Variants in ZDHHC15 observed in about 807,000 individuals in gnomAD.
ZDHHC15 encodes the protein palmitoyltransferase ZDHHC15.
Under a neutral mutation model 31.7 loss-of-function variants are expected in ZDHHC15, and 19 were observed. The observed-to-expected ratio is 0.60, with a 90% CI of 0.42 to 0.88. The LOEUF is 0.88. ZDHHC15 is among the 40% of genes least tolerant of loss of function. The pLI, the probability that ZDHHC15 is intolerant of heterozygous loss-of-function variation, is 0.00. For synonymous variants in ZDHHC15, 103 were observed against 90.0 expected (o/e 1.14, Z -0.82); for missense variants, 209 against 251.2 (o/e 0.83, Z 1.14).
intron 7 of ZDHHC15, among the ~76,000 whole-genome samples, chrX:75,426,421 C>T (rs1354372418): frequency 2.7e-5 from 3 of 110,012 alleles, no homozygotes; most frequent in Non-Finnish European, 5.7e-5. Flanking sequence ...CTGTGTTGTC[C>T]CTTGATAGAG....
intron 11 of ZDHHC15, among the ~76,000 whole-genome samples, chrX:75,373,924 C>CTTTTTT (rs1298329750): frequency 1.0e-4 from 2 of 19,056 alleles, no homozygotes; most frequent in Admixed American, 1.8e-3. Context: ...TTCATTCTTT[C>CTTTTTT]TGTTTTTTTT....
chrX:75,478,049 T>C (rs1262553848), intron 3 of ZDHHC15, among the ~76,000 whole-genome samples: 2 of 111,715 alleles, frequency 1.8e-5, no homozygotes, highest in African/African-American at 3.3e-5. Flanking sequence ...AGTTTCCCTA[T>C]TGTTCTTTTA....
At chrX:75,434,023 A>G (rs1052887562) in intron 4 of ZDHHC15, among the ~76,000 whole-genome samples, 7 of 111,478 alleles carry the variant, frequency 6.3e-5, no homozygotes, top group Non-Finnish European at 1.1e-4. Context: ...TGATTTTTAA[A>G]TTACGGCCAT....
chrX:75,437,946 A>G (rs1325624611), intron 4 of ZDHHC15, among the ~76,000 whole-genome samples: 1 of 110,646 alleles, frequency 9.0e-6, no homozygotes, highest in East Asian at 2.9e-4. Context: ...AAAACAAACA[A>G]CCCCATCAAA....
At chrX:75,506,450 T>C (rs1313710668) in intron 1 of ZDHHC15, among the ~76,000 whole-genome samples, 1 of 112,106 alleles carries the variant, frequency 8.9e-6, no homozygotes, top group African/African-American at 3.2e-5. Context: ...GTCTATTTTA[T>C]TGGGTCTTAA....
chrX:75,503,267 C>G (rs1192532991), intron 2 of ZDHHC15, among the ~76,000 whole-genome samples: 1 of 110,741 alleles, frequency 9.0e-6, no homozygotes, highest in African/African-American at 3.3e-5. Flanking sequence ...ATCAGCATAA[C>G]TAGGTCAATA....
intron 4 of ZDHHC15, among the ~76,000 whole-genome samples, chrX:75,440,319 G>T (rs1286874868): frequency 1.9e-5 from 2 of 107,995 alleles, no homozygotes; most frequent in Non-Finnish European, 3.8e-5. Flanking sequence ...TTGCTCTGTT[G>T]CCCAGGCTGG....
intron 8 of ZDHHC15, among the ~76,000 whole-genome samples, chrX:75,422,744 C>A (rs762073624): frequency 4.5e-5 from 5 of 111,211 alleles, no homozygotes; most frequent in Non-Finnish European, 9.4e-5. Context: ...AATCTACCAC[C>A]CTAGCAACTA....
chrX:75,396,438 T>C (rs1216237092), intron 10 of ZDHHC15, among the ~76,000 whole-genome samples: 1 of 111,739 alleles, frequency 8.9e-6, no homozygotes, highest in African/African-American at 3.3e-5. Context: ...AAAACTATAA[T>C]GAGACCAAAT....
At chrX:75,411,214 C>T (rs1286307108) in intron 10 of ZDHHC15, among the ~76,000 whole-genome samples, 2 of 29,718 alleles carry the variant, frequency 6.7e-5, no homozygotes, top group East Asian at 7.7e-3. Flanking sequence ...ATCTATTGTA[C>T]ATTTTTTTTT....
At chrX:75,429,269 T>C (rs911487523) in intron 6 of ZDHHC15, 71 bp from the exon 7 acceptor site, 58 of 1,096,611 alleles carry the variant, frequency 5.3e-5, no homozygotes, top group Non-Finnish European at 4.9e-5. Flanking sequence ...ATAAGTGAAC[T>C]AAGCAATGGA....
At chrX:75,489,855 G>A (rs1215235042) in intron 2 of ZDHHC15, among the ~76,000 whole-genome samples, 3 of 111,509 alleles carry the variant, frequency 2.7e-5, no homozygotes, top group Non-Finnish European at 3.8e-5. Context: ...CAAATTAGAG[G>A]AAAGGCTAAC....
At chrX:75,445,735 T>C (rs773305571) in intron 4 of ZDHHC15, among the ~76,000 whole-genome samples, 2 of 111,825 alleles carry the variant, frequency 1.8e-5, no homozygotes, top group South Asian at 3.7e-4. Flanking sequence ...TTGTAAAGAA[T>C]TGGATCCTGT....
chrX:75,500,446 T>C, intron 2 of ZDHHC15, among the ~76,000 whole-genome samples: 1 of 109,767 alleles, frequency 9.1e-6, no homozygotes, highest in South Asian at 3.8e-4. Flanking sequence ...TCAATTAAAA[T>C]AAACAACCAA....
intron 3 of ZDHHC15, among the ~76,000 whole-genome samples, chrX:75,456,548 A>C (rs1193133026): frequency 9.0e-6 from 1 of 111,496 alleles, no homozygotes; most frequent in Admixed American, 9.6e-5. Context: ...GTCTGGAAAC[A>C]ACAGATGCTG....
intron 2 of ZDHHC15, among the ~76,000 whole-genome samples, chrX:75,492,817 C>A (rs1264729530): frequency 9.0e-6 from 1 of 111,589 alleles, no homozygotes. Context: ...TAAATGCCCA[C>A]AAGAGAAAGC....
chrX:75,487,076 C>G (rs751345863), intron 2 of ZDHHC15, among the ~76,000 whole-genome samples: 1 of 111,703 alleles, frequency 9.0e-6, no homozygotes, highest in East Asian at 2.8e-4. Context: ...CCAGCCAACT[C>G]AAGCCATTAC....
At chrX:75,423,271 G>A (rs150261282) in intron 8 of ZDHHC15, among the ~76,000 whole-genome samples, 1,473 of 107,873 alleles carry the variant, frequency 0.014, 18 homozygotes, top group African/African-American at 0.048. Context: ...TGTGACTTGA[G>A]GGTATGGTGT....
chrX:75,433,367 G>C (rs1232003183), intron 4 of ZDHHC15, among the ~76,000 whole-genome samples: 1 of 110,099 alleles, frequency 9.1e-6, no homozygotes, highest in African/African-American at 3.3e-5. Flanking sequence ...CTGAGATTTT[G>C]GTGCACCCAC....
Sources: allele counts gnomAD v4.1 joint callset (sites outside exome capture counted in the v4.1 genomes callset), GRCh38; gene constraint gnomAD v4.1.1; transcripts MANE v1.5; gene names NCBI Gene and HGNC (gene_info 2026-07-23, HGNC 2026-07-21).